Variants in PDE3A observed in about 807,000 individuals in gnomAD.
The protein encoded by PDE3A is cGMP-inhibited 3',5'-cyclic phosphodiesterase 3A.
Under a neutral mutation model 98.3 loss-of-function variants are expected in PDE3A, and 43 were observed. That is an observed-to-expected ratio of 0.44 (90% CI 0.34 to 0.56). The LOEUF is 0.56. Among genes scored for constraint, PDE3A ranks in the 20% least tolerant of loss-of-function variants. PDE3A has a pLI of 0.01. For missense variants in PDE3A, 1,427 were observed against 1,440.7 expected (o/e 0.99, Z 0.15); for synonymous variants, 663 against 567.9 (o/e 1.17, Z -2.38).
chr12:20,661,097 G>A (rs908709310), intron 15 of PDE3A, among the ~76,000 whole-genome samples: 1 of 152,186 alleles, frequency 6.6e-6, no homozygotes, highest in African/African-American at 2.4e-5. Context: ...AGATGGAGAT[G>A]AGGAACTTGT....
At chr12:20,419,403 C>T (rs1250523856) in intron 1 of PDE3A, among the ~76,000 whole-genome samples, 1 of 152,104 alleles carries the variant, frequency 6.6e-6, no homozygotes, top group South Asian at 2.1e-4. Flanking sequence ...AGTGATTCAC[C>T]TGCCTTAGCC....
intron 1 of PDE3A, among the ~76,000 whole-genome samples, chr12:20,375,897 C>T (rs778535833): frequency 2.6e-5 from 4 of 151,862 alleles, no homozygotes; most frequent in African/African-American, 4.8e-5. Flanking sequence ...TGCAGAACTT[C>T]ATTTGTTCAT....
intron 1 of PDE3A, among the ~76,000 whole-genome samples, chr12:20,452,958 C>T (rs1945093294): frequency 6.6e-6 from 1 of 152,214 alleles, no homozygotes; most frequent in Non-Finnish European, 1.5e-5. Context: ...TCTTGCAGTA[C>T]TTCCTCAATG....
At chr12:20,408,006 G>A (rs1408095392) in intron 1 of PDE3A, among the ~76,000 whole-genome samples, 4 of 151,964 alleles carry the variant, frequency 2.6e-5, no homozygotes, top group African/African-American at 4.8e-5. Context: ...TGCAACCTCC[G>A]TCTGCCTCCT....
intron 1 of PDE3A, among the ~76,000 whole-genome samples, chr12:20,496,848 A>T (rs1945929008): frequency 6.6e-6 from 1 of 152,198 alleles, no homozygotes; most frequent in South Asian, 2.1e-4. Flanking sequence ...AAATAAATAT[A>T]TACTATATGA....
chr12:20,521,127 C>T (rs1302552341), intron 1 of PDE3A, among the ~76,000 whole-genome samples: 2 of 104,824 alleles, frequency 1.9e-5, no homozygotes, highest in African/African-American at 7.5e-5. Flanking sequence ...GGCTGTCTCT[C>T]CTGGAGTGTT....
chr12:20,655,330 G>A (rs1269965516), intron 15 of PDE3A, among the ~76,000 whole-genome samples: 1 of 152,156 alleles, frequency 6.6e-6, no homozygotes, highest in African/African-American at 2.4e-5. Flanking sequence ...GTGGAAAGAG[G>A]ATTCCAAAGA....
At chr12:20,557,702 CAATT>C (rs1942405370) in intron 2 of PDE3A, among the ~76,000 whole-genome samples, 1 of 152,132 alleles carries the variant, frequency 6.6e-6, no homozygotes, top group Non-Finnish European at 1.5e-5. Context: ...CCAAGTCAAT[CAATT>C]GTTTTAGTTC....
chr12:20,471,540 C>T (rs1945440414), intron 1 of PDE3A, among the ~76,000 whole-genome samples: 1 of 152,138 alleles, frequency 6.6e-6, no homozygotes, highest in Non-Finnish European at 1.5e-5. Context: ...TCTGGGTTCC[C>T]CTTACATCTC....
chr12:20,377,376 TA>T (rs897232336), intron 1 of PDE3A, among the ~76,000 whole-genome samples: 1 of 151,630 alleles, frequency 6.6e-6, no homozygotes, highest in South Asian at 2.1e-4. Context: ...GTAATCGGTG[TA>T]AAAAAAATGA....
chr12:20,603,775 C>A (rs1943650096), intron 2 of PDE3A, among the ~76,000 whole-genome samples: 2 of 152,132 alleles, frequency 1.3e-5, no homozygotes, highest in African/African-American at 4.8e-5. Flanking sequence ...TTGGACCACG[C>A]ACTCTCACAA....
chr12:20,464,905 C>A (rs1040299579), intron 1 of PDE3A, among the ~76,000 whole-genome samples: 1 of 152,260 alleles, frequency 6.6e-6, no homozygotes, highest in African/African-American at 2.4e-5. Context: ...AACATTCTCA[C>A]CACATGATGA....
At position 20,613,538 on chromosome 12, in the gene PDE3A, C is replaced by T. The variant is rs766934005; in HGVS notation, c.1107C>T (p.Asn369=). ...DLLADPSLPP[N]VCTSLRAVSN... is the part of the protein sequence containing the mutation. Reference sequence around the variant, plus strand: ...TGGCAGACCCTTCTCTTCCACCAAACGTGTGCACATCCTTGAGAGCCGTGA... The same window carrying T: ...TGGCAGACCCTTCTCTTCCACCAAATGTGTGCACATCCTTGAGAGCCGTGA... Residue 369 remains asparagine (N), a synonymous_variant, in exon 3 of 16, where the codon AAC becomes AAT. Coordinates refer to ENST00000359062, the MANE Select transcript of PDE3A (RefSeq NM_000921.5). 18 of 1,614,124 alleles carry T rather than the reference C, an allele frequency of 1.1e-5. No homozygotes were observed. Among genetic ancestry groups the T allele is most frequent in the Middle Eastern group, 3.3e-4 (2 of 6,060 alleles).
intron 1 of PDE3A, among the ~76,000 whole-genome samples, chr12:20,504,785 C>T (rs1439517027): frequency 6.6e-6 from 1 of 152,098 alleles, no homozygotes; most frequent in Non-Finnish European, 1.5e-5. Flanking sequence ...AACTCTGGCC[C>T]TCCTGCCTCT....
At chr12:20,551,531 G>A (rs1245483481) in intron 1 of PDE3A, 5 of 1,211,408 alleles carry the variant, frequency 4.1e-6, no homozygotes, top group Middle Eastern at 2.8e-4. Context: ...GATAACGAAC[G>A]AGACTCTGGC....
intron 1 of PDE3A, among the ~76,000 whole-genome samples, chr12:20,432,527 G>T (rs760077701): frequency 4.6e-5 from 7 of 152,018 alleles, no homozygotes; most frequent in Admixed American, 3.9e-4. Flanking sequence ...TGTGGTGATG[G>T]TTTCACAAGT....
chr12:20,517,829 G>C (rs749804949), intron 1 of PDE3A, among the ~76,000 whole-genome samples: 1 of 152,026 alleles, frequency 6.6e-6, no homozygotes, highest in Non-Finnish European at 1.5e-5. Context: ...CCAATCTCTC[G>C]CTAACTTGAC....
intron 1 of PDE3A, among the ~76,000 whole-genome samples, chr12:20,415,792 G>T (rs529855473): frequency 6.6e-6 from 1 of 152,276 alleles, no homozygotes; most frequent in East Asian, 1.9e-4. Flanking sequence ...GATGACTCAG[G>T]TTCTTTGGAG....
intron 1 of PDE3A, among the ~76,000 whole-genome samples, chr12:20,423,339 T>C (rs1944551156): frequency 6.6e-6 from 1 of 152,212 alleles, no homozygotes; most frequent in African/African-American, 2.4e-5. Flanking sequence ...TCTGTATCTC[T>C]TTCACAGACA....
Sources: gnomAD v4.1 joint callset for allele counts (sites outside exome capture counted in the v4.1 genomes callset) on GRCh38, gnomAD v4.1.1 for gene constraint, MANE v1.5 for transcripts, NCBI Gene and HGNC (gene_info 2026-07-23, HGNC 2026-07-21) for gene names.